The following VAPA variants were observed in gnomAD, a reference collection of about 807,000 sequenced individuals.
The protein encoded by VAPA is VAMP associated protein A.
Under a neutral mutation model 25.6 loss-of-function variants are expected in VAPA, and 6 were observed. The ratio of observed to expected loss-of-function variants is 0.23; its 90% CI spans 0.13 to 0.46. The LOEUF (loss-of-function observed/expected upper bound fraction) is 0.46, where lower values mean the gene tolerates loss of function less well. Ranked by LOEUF, VAPA falls within the 20% of genes least tolerant of loss-of-function variation. The probability of loss-of-function intolerance (pLI) is 0.99; values close to 1 mark genes in which losing one functional copy is unlikely to be tolerated. For missense variants in VAPA, 244 were observed against 302.1 expected (o/e 0.81, Z 1.43); for synonymous variants, 112 against 106.2 (o/e 1.05, Z -0.34).
intron 4 of VAPA, among the ~76,000 whole-genome samples, chr18:9,938,078 A>C (rs913033163): frequency 6.6e-6 from 1 of 152,190 alleles, no homozygotes; most frequent in Non-Finnish European, 1.5e-5. Flanking sequence ...TGGCCTGTGT[A>C]TGCTTCCCAT....
intron 4 of VAPA, chr18:9,944,880 G>C (rs370565398): frequency 1.9e-6 from 3 of 1,599,060 alleles, no homozygotes; most frequent in Non-Finnish European, 2.6e-6. Context: ...GAAGAAATCA[G>C]AGTTCGGTGA....
intron 4 of VAPA, chr18:9,950,057 T>A (rs1239063443): frequency 4.8e-6 from 1 of 207,568 alleles, no homozygotes; most frequent in African/African-American, 2.4e-5. Context: ...CAGCATACTT[T>A]CATTGAATAA....
At chr18:9,943,302 A>G (rs563386198) in intron 4 of VAPA, among the ~76,000 whole-genome samples, 1 of 152,354 alleles carries the variant, frequency 6.6e-6, no homozygotes, top group South Asian at 2.1e-4. Context: ...TGGATCATAG[A>G]TAAAGTGCCC....
chr18:9,914,513 T>C, intron 1 of VAPA, 178 bp downstream of exon 1: 2 of 408,540 alleles, frequency 4.9e-6, no homozygotes, highest in Non-Finnish European at 8.4e-6. Context: ...GCCTGCCCCT[T>C]GCTCCGGCCC....
intron 4 of VAPA, chr18:9,944,917 A>G (rs2069405414): frequency 2.5e-6 from 4 of 1,613,588 alleles, no homozygotes; most frequent in Non-Finnish European, 2.5e-6. Flanking sequence ...TTCCCATGCC[A>G]TCTCAGGGTA....
In VAPA at chr18:9,955,132, A is replaced by G. The variant is rs2069533928; in HGVS notation, c.*921A>G. The G allele has an allele frequency of 1.3e-5, 2 of 152,168 alleles. No individual in the cohort carries two copies. The highest frequency in any genetic ancestry group is 4.1e-4 in the South Asian group (2 of 4,832). 9.4% of individuals were successfully genotyped at this position (152,168 alleles called of 1,614,324 possible). A position where few individuals can be genotyped will look rare whatever the true frequency, so the allele number is the denominator to read the frequency against. Reference sequence around the variant, plus strand: ...CTCCATCTGATTTACCCCATTCTTAAGTTCTGAGAGTATGTTCTCAAGGAA... The same window carrying G: ...CTCCATCTGATTTACCCCATTCTTAGGTTCTGAGAGTATGTTCTCAAGGAA... On this transcript the variant is annotated 3_prime_UTR_variant, in exon 6 of 6. Coordinates refer to ENST00000400000, the MANE Select transcript of VAPA (RefSeq NM_194434.3).
intron 1 of VAPA, among the ~76,000 whole-genome samples, chr18:9,931,123 T>C (rs1192046839): frequency 1.3e-5 from 2 of 152,200 alleles, no homozygotes. Context: ...GAACATGTTT[T>C]TATGTTCTTC....
intron 1 of VAPA, among the ~76,000 whole-genome samples, chr18:9,921,169 A>G (rs1402581736): frequency 6.6e-6 from 1 of 152,186 alleles, no homozygotes. Flanking sequence ...TTCTCCAGTA[A>G]TTTTTATTTT....
At position 9,954,380 on chromosome 18, in the gene VAPA, AAAAAC is replaced by A. The variant is rs2069523112; in HGVS notation, c.*173_*177del. 1 of 603,526 alleles carries A rather than the reference AAAAAC, an allele frequency of 1.7e-6. No homozygotes were observed. The highest frequency in any genetic ancestry group is 2.8e-6 in the Non-Finnish European group (1 of 351,784). The allele number at this position is 603,526 out of a possible 1,614,324, so 37.4% of individuals were successfully genotyped here. ...ATCTCTTACGGTTAGAAAACACAAT[AAAAAC>A]AAACTGTTCGGCTACTGGACAGGTT... On this transcript the variant is annotated 3_prime_UTR_variant, in exon 6 of 6. Transcript: ENST00000400000.
chr18:9,954,379 T>A lies in VAPA; in HGVS notation c.*168T>A. ...GATCTCTTACGGTTAGAAAACACAA[T>A]AAAAACAAACTGTTCGGCTACTGGA... On this transcript the variant is annotated 3_prime_UTR_variant, in exon 6 of 6. Coordinates refer to ENST00000400000, the MANE Select transcript of VAPA (RefSeq NM_194434.3). The A allele has an allele frequency of 1.6e-6, 1 of 606,878 alleles. No individual in the cohort carries two copies. The highest frequency in any genetic ancestry group is 2.8e-6 in the Non-Finnish European group (1 of 355,018). The allele number at this position is 606,878 out of a possible 1,614,324, so 37.6% of individuals were successfully genotyped here. A position where few individuals can be genotyped will look rare whatever the true frequency, so the allele number is the denominator to read the frequency against.
chr18:9,936,621 C>T (rs1383669649), intron 3 of VAPA: 2 of 220,478 alleles, frequency 9.1e-6, no homozygotes, highest in African/African-American at 2.3e-5. Flanking sequence ...GTGTTGGACG[C>T]CTGTAGTCCC....
intron 4 of VAPA, among the ~76,000 whole-genome samples, chr18:9,943,861 T>A (rs797003316): frequency 0.023 from 2,559 of 109,938 alleles, 153 homozygotes; most frequent in African/African-American, 0.084. Context: ...TTTTTTTTTT[T>A]TTTTTTTTTT....
chr18:9,915,181 C>A (rs1354519835), intron 1 of VAPA: 2 of 152,260 alleles, frequency 1.3e-5, no homozygotes, highest in Admixed American at 6.5e-5. Flanking sequence ...TTTTATTTAG[C>A]CCTTTAGTTG....
At chr18:9,947,410 A>T (rs1175885144) in intron 4 of VAPA, among the ~76,000 whole-genome samples, 1 of 152,220 alleles carries the variant, frequency 6.6e-6, no homozygotes, top group African/African-American at 2.4e-5. Context: ...CAGTGCCATT[A>T]TTATTGTATG....
intron 1 of VAPA, among the ~76,000 whole-genome samples, chr18:9,930,539 G>A (rs1465034414): frequency 6.6e-6 from 1 of 152,040 alleles, no homozygotes; most frequent in Non-Finnish European, 1.5e-5. Flanking sequence ...CTAGTTTTAT[G>A]GTGGAGTTTT....
At chr18:9,943,886 T>C (rs1157343325) in intron 4 of VAPA, among the ~76,000 whole-genome samples, 1 of 119,758 alleles carries the variant, frequency 8.4e-6, no homozygotes, top group Non-Finnish European at 1.7e-5. Context: ...TTTGAGACAG[T>C]GTCTCGCTCT....
intron 1 of VAPA, among the ~76,000 whole-genome samples, chr18:9,929,054 G>A (rs1283651100): frequency 6.6e-6 from 1 of 152,186 alleles, no homozygotes; most frequent in Non-Finnish European, 1.5e-5. Flanking sequence ...TTGTATTGGT[G>A]ATTCAGGTAT....
intron 1 of VAPA, 114 bp from the exon 2 acceptor site, chr18:9,931,696 C>A: frequency 4.8e-6 from 4 of 832,418 alleles, no homozygotes; most frequent in Middle Eastern, 3.8e-4. Flanking sequence ...GATATTTATG[C>A]CTACAAATGT....
At chr18:9,945,350 CTTTTTTTTTTTTTTTTTTT>C (rs869048248) in intron 4 of VAPA, among the ~76,000 whole-genome samples, 1 of 57,272 alleles carries the variant, frequency 1.7e-5, no homozygotes, top group Non-Finnish European at 2.9e-5. Flanking sequence ...GGAATATACT[CTTTTTTTTTTTTTTTTTTT>C]TTTTTTTTTG....
Sources: gnomAD v4.1 joint callset for allele counts (sites outside exome capture counted in the v4.1 genomes callset) on GRCh38, gnomAD v4.1.1 for gene constraint, MANE v1.5 for transcripts, NCBI Gene and HGNC (gene_info 2026-07-23, HGNC 2026-07-21) for gene names.